The following CAMSAP2 variants were observed in gnomAD, a reference collection of about 807,000 sequenced individuals.
CAMSAP2 encodes the protein calmodulin regulated spectrin associated protein family member 2.
In CAMSAP2, 26 loss-of-function variants were observed where a neutral mutation model predicts 146.1. That is an observed-to-expected ratio of 0.18 (90% CI 0.13 to 0.25). The LOEUF is 0.25. Among genes scored for constraint, CAMSAP2 ranks in the 10% least tolerant of loss-of-function variants. The pLI, the probability that CAMSAP2 is intolerant of heterozygous loss-of-function variation, is 1.00. For synonymous variants in CAMSAP2, 499 were observed against 596.6 expected, an observed-to-expected ratio of 0.84 and a Z score of 2.38; for missense variants, 1,381 against 1,759.3, an observed-to-expected ratio of 0.78 and a Z score of 3.85.
At chr1:200,752,756 ACAGGTGCCCG>A (rs1664544393) in intron 1 of CAMSAP2, among the ~76,000 whole-genome samples, 1 of 151,934 alleles carries the variant, frequency 6.6e-6, no homozygotes, top group African/African-American at 2.4e-5. Context: ...AGCTGGGACT[ACAGGTGCCCG>A]CCACCACGCA....
chr1:200,816,034 G>A (rs1207865285), intron 4 of CAMSAP2, among the ~76,000 whole-genome samples: 6 of 152,120 alleles, frequency 3.9e-5, no homozygotes, highest in South Asian at 2.1e-4. Flanking sequence ...GATGGCTCAC[G>A]CCTGTAATAC....
At chr1:200,752,639 A>G (rs542181105) in intron 1 of CAMSAP2, among the ~76,000 whole-genome samples, 18 of 146,504 alleles carry the variant, frequency 1.2e-4, no homozygotes, top group African/African-American at 4.6e-4. Flanking sequence ...TTTTGCTGAG[A>G]TGGAGTCTCG....
chr1:200,767,562 C>G (rs60323244), intron 2 of CAMSAP2, among the ~76,000 whole-genome samples: 133 of 149,366 alleles, frequency 8.9e-4, no homozygotes, highest in African/African-American at 3.2e-3. Flanking sequence ...TGTTGGAACT[C>G]AAGTGTAATT....
intron 3 of CAMSAP2, among the ~76,000 whole-genome samples, chr1:200,811,102 T>C (rs1202114364): frequency 6.6e-6 from 1 of 152,198 alleles, no homozygotes; most frequent in Non-Finnish European, 1.5e-5. Flanking sequence ...TCAATATTTT[T>C]CTGTCCTTAA....
At chr1:200,746,753 G>A (rs1664339548) in intron 1 of CAMSAP2, among the ~76,000 whole-genome samples, 1 of 151,890 alleles carries the variant, frequency 6.6e-6, no homozygotes, top group East Asian at 1.9e-4. Context: ...CGAGTAGCTG[G>A]GACTACAGGA....
In CAMSAP2 at chr1:200,842,003, T is replaced by A. The variant is rs1351702101; in HGVS notation, c.937T>A (p.Leu313Met). The A allele has an allele frequency of 1.2e-6, 2 of 1,612,160 alleles. No homozygotes were observed. Among genetic ancestry groups the A allele is most frequent in the South Asian group, 2.2e-5 (2 of 91,028 alleles). Residue 313 changes from leucine to methionine, a missense_variant, in exon 7 of 17, where the codon TTG becomes ATG. Coordinates refer to ENST00000358823, the MANE Select transcript of CAMSAP2 (RefSeq NM_203459.4). ...TAAATTTCCTATATAGAGTAATTATTTGGTGTTCATGGCGGAACTGTTCTG... is the reference window on the plus strand; with the variant it reads ...TAAATTTCCTATATAGAGTAATTATATGGTGTTCATGGCGGAACTGTTCTG... ...YAASSIKSNY[L>M]VFMAELFWWF...
At chr1:200,856,182 G>A (rs1667748739) in intron 15 of CAMSAP2, 57 bp downstream of exon 15, 1 of 1,308,948 alleles carries the variant, frequency 7.6e-7, no homozygotes, top group East Asian at 2.3e-5. Context: ...CATAAATGGA[G>A]GGTGTACTAA....
chr1:200,832,337 A>G lies in CAMSAP2; in HGVS notation c.783A>G (p.Leu261=). ...TTTACTGTCCTGATGTTGTCAGATT[A>G]GAGGGTAAGTGTTCCATTGTAATAC... ...IHFYCPDVVR[L]EDICLKETMS... Residue 261 remains leucine, a synonymous_variant, in exon 5 of 17, where the codon TTA becomes TTG. Coordinates refer to ENST00000358823, the MANE Select transcript of CAMSAP2 (RefSeq NM_203459.4). This position sits in a 1 kb window ranked among gnomAD's most constrained non-coding sequence, Gnocchi z 4.2. The G allele has an allele frequency of 1.2e-6, 2 of 1,609,838 alleles. No homozygotes were observed. The highest frequency in any genetic ancestry group is 1.7e-6 in the Non-Finnish European group (2 of 1,178,536).
At chr1:200,804,227 G>A (rs1306967632) in intron 2 of CAMSAP2, among the ~76,000 whole-genome samples, 2 of 152,004 alleles carry the variant, frequency 1.3e-5, no homozygotes, top group African/African-American at 4.8e-5. Flanking sequence ...CGCCTGGCCA[G>A]ATGTTCTGTT....
At chr1:200,847,157 A>C in intron 8 of CAMSAP2, 53 bp from the exon 9 acceptor site, 1 of 1,345,782 alleles carries the variant, frequency 7.4e-7, no homozygotes, top group Non-Finnish European at 1.0e-6. Context: ...ATTCTACCTA[A>C]ATTTATATTA....
At chr1:200,770,421 CT>C (rs11392023) in intron 2 of CAMSAP2, among the ~76,000 whole-genome samples, 184 of 143,352 alleles carry the variant, frequency 1.3e-3, no homozygotes, top group Middle Eastern at 3.6e-3. Context: ...CCTACTATTT[CT>C]TTTTTTTTTT....
At chr1:200,763,540 C>T (rs1447786724) in intron 2 of CAMSAP2, among the ~76,000 whole-genome samples, 3 of 152,110 alleles carry the variant, frequency 2.0e-5, no homozygotes, top group South Asian at 4.2e-4. Context: ...GAGACTTTGT[C>T]TTAAAAACCA....
In CAMSAP2 at chr1:200,842,224, C is replaced by T. The variant is rs573179409; in HGVS notation, c.1021+137C>T. ...TTTCAGCTATTACACTTGATAGATTCTCCTAACCTCTTAAAATGGTTAGAG... is the reference window on the plus strand; with the variant it reads ...TTTCAGCTATTACACTTGATAGATTTTCCTAACCTCTTAAAATGGTTAGAG... On this transcript the variant is annotated intron_variant, in intron 7 of 16. Transcript: ENST00000358823. 6.4e-6 allele frequency: 4 copies of T among 624,122 alleles called. No homozygotes were observed. In the South Asian group the frequency reaches 8.3e-5, roughly 13 times the overall value. The allele number at this position is 624,122 out of a possible 1,614,324, so 38.7% of individuals were successfully genotyped here.
rs774556166 is a variant in CAMSAP2 at position 200,852,584 on chromosome 1, C to T, written c.3509C>T (p.Ala1170Val). 7.4e-6 allele frequency: 12 copies of T among 1,613,664 alleles called. No homozygotes were observed. In the South Asian group the frequency reaches 1.3e-4, roughly 18 times the overall value. Residue 1170 changes from alanine to valine, a missense_variant, in exon 12 of 17, where the codon GCT (alanine) becomes GTT (valine). By Grantham distance (64) the Ala-to-Val change is moderately conservative (BLOSUM62 0). Around this residue, in one of 4 missense-constraint regions of CAMSAP2, gnomAD observed 560 missense variants for 715.9 expected, o/e 0.78. Transcript: ENST00000358823. ...AATGATATGGCAATGAAACGGGCAG[C>T]TTTGTTGGAGAAAAGATTAAGAAGG... Reference protein sequence around the residue: ...AENDMAMKRAALLEKRLRREK... With the variant: ...AENDMAMKRAVLLEKRLRREK...
Position 200,858,151 on chromosome 1 carries a change from T to G in CAMSAP2, c.*92T>G, listed in dbSNP as rs939730602. On this transcript the variant is annotated 3_prime_UTR_variant, in exon 17 of 17. Transcript: ENST00000358823. ...AAATCTTTCTAATTGCCAACAAGAC[T>G]TTTATTAATTAAAACTGGACATTAA... 1.1e-5 allele frequency: 12 copies of G among 1,134,056 alleles called. No individual in the cohort carries two copies. Among genetic ancestry groups the G allele is most frequent in the South Asian group, 3.4e-5 (2 of 59,432 alleles). The allele number at this position is 1,134,056 out of a possible 1,614,324, so 70.2% of individuals were successfully genotyped here.
intron 2 of CAMSAP2, among the ~76,000 whole-genome samples, chr1:200,790,389 G>T (rs1665717756): frequency 6.6e-6 from 1 of 152,184 alleles, no homozygotes; most frequent in African/African-American, 2.4e-5. Context: ...GATATTTATT[G>T]TGAGAACCTG....
At chr1:200,812,626 A>G (rs1480273955) in intron 3 of CAMSAP2, among the ~76,000 whole-genome samples, 2 of 152,160 alleles carry the variant, frequency 1.3e-5, no homozygotes, top group African/African-American at 2.4e-5. Context: ...TTCCTGGATA[A>G]TGCATCCACA....
At chr1:200,826,755 C>T (rs1309497080) in intron 4 of CAMSAP2, among the ~76,000 whole-genome samples, 2 of 152,132 alleles carry the variant, frequency 1.3e-5, no homozygotes, top group Non-Finnish European at 2.9e-5. Flanking sequence ...TAGAACTATT[C>T]CAGAAAATCT....
chr1:200,754,574 CTTTTTTTTTTTTTTTTT>C (rs35219206), intron 1 of CAMSAP2, among the ~76,000 whole-genome samples: 2 of 86,578 alleles, frequency 2.3e-5, no homozygotes, highest in Non-Finnish European at 4.7e-5. Flanking sequence ...GAAAGAGCTC[CTTTTTTTTTTTTTTTTT>C]TTTTTTTTTG....
Sources: allele counts gnomAD v4.1 joint callset (sites outside exome capture counted in the v4.1 genomes callset), GRCh38; gene constraint gnomAD v4.1.1; regional missense constraint gnomAD v4.1.1; non-coding constraint Gnocchi (gnomAD v3.1); transcripts MANE v1.5; gene names NCBI Gene and HGNC (gene_info 2026-07-23, HGNC 2026-07-21).